Variants in PHF3 observed in about 807,000 individuals in gnomAD.
PHF3 encodes the protein PHD finger protein 3.
A neutral mutation model predicts 178.4 loss-of-function variants in PHF3; 41 were observed. That is an observed-to-expected ratio of 0.23 (90% CI 0.18 to 0.30). The LOEUF is 0.30. Ranked by LOEUF, PHF3 falls within the 10% of genes least tolerant of loss-of-function variation. The probability of loss-of-function intolerance (pLI) is 1.00; values close to 1 mark genes in which losing one functional copy is unlikely to be tolerated. For missense variants in PHF3, 2,346 were observed against 2,398.1 expected (o/e 0.98, Z 0.45); for synonymous variants, 842 against 800.5 (o/e 1.05, Z -0.88).
In PHF3 at chr6:63,694,760, A is replaced by G; in HGVS notation, c.2676A>G (p.Lys892=). ...TVTCTGEKAS[K]PGTHEKQEMK... is the part of the protein sequence containing the mutation. ...CTTGCACAGGAGAAAAAGCTTCAAA[A>G]CCAGGTAGTGAGATGAACAGAAAAA... The change falls in exon 6 of 16, where the codon AAA becomes AAG. Residue 892 remains lysine, a synonymous_variant. Coordinates refer to ENST00000262043, the MANE Select transcript of PHF3 (RefSeq NM_001370348.2). 9 of 1,479,980 alleles carry G rather than the reference A, an allele frequency of 6.1e-6. No individual in the cohort carries two copies. The highest frequency in any genetic ancestry group is 1.5e-5 in the South Asian group (1 of 65,294). The allele number at this position is 1,479,980 out of a possible 1,614,324, so 91.7% of individuals were successfully genotyped here.
intron 5 of PHF3, among the ~76,000 whole-genome samples, chr6:63,694,223 A>G (rs1767134393): frequency 6.6e-6 from 1 of 152,222 alleles, no homozygotes. Context: ...AGGCATACTG[A>G]GAACTTAATT....
At chr6:63,641,603 A>G (rs1764581394) in intron 1 of PHF3, among the ~76,000 whole-genome samples, 1 of 149,878 alleles carries the variant, frequency 6.7e-6, no homozygotes, top group African/African-American at 2.5e-5. Context: ...TCATAGGTTT[A>G]CTTTGAAGGT....
intron 3 of PHF3, among the ~76,000 whole-genome samples, chr6:63,680,928 A>G (rs1006271387): frequency 6.6e-6 from 1 of 151,948 alleles, no homozygotes; most frequent in Admixed American, 6.6e-5. Flanking sequence ...CTTTTGTTGT[A>G]GTTCCTATTT....
chr6:63,698,612 A>T lies in PHF3; in HGVS notation c.2982+7A>T. 1 of 1,551,992 alleles carries T rather than the reference A, an allele frequency of 6.4e-7. No homozygotes were observed. The highest frequency in any genetic ancestry group is 8.7e-7 in the Non-Finnish European group (1 of 1,150,460). On this transcript the variant is annotated splice_region_variant and intron_variant, in intron 8 of 15. Transcript: ENST00000262043. ...GAAAGATCCTAAAAACAATGTAAGT[A>T]TGCTTTGTTCATATGTTTATGCTTC...
rs1463482783 is a variant in PHF3, at chr6:63,712,726, G to C, written c.5138G>C (p.Ser1713Thr). Residue 1713 changes from serine (S) to threonine (T), a missense_variant, in exon 16 of 16, where the codon AGT (serine) becomes ACT (threonine). Transcript: ENST00000262043. ...SAEKNSCVQQ[S>T]DNLKVAQNSP... is the part of the protein sequence containing the mutation. ...GAGAAAAACTCGTGTGTTCAGCAGA[G>C]TGACAATTTAAAAGTTGCACAAAAC... 1.9e-6 allele frequency: 3 copies of C among 1,613,946 alleles called. No individual in the cohort carries two copies. Among genetic ancestry groups the C allele is most frequent in the Admixed American group, 3.3e-5 (2 of 59,988 alleles).
intron 2 of PHF3, among the ~76,000 whole-genome samples, chr6:63,665,276 C>T (rs186572510): frequency 9.2e-5 from 14 of 152,138 alleles, no homozygotes; most frequent in African/African-American, 3.1e-4. Flanking sequence ...TGACTTATCA[C>T]ATCTACTTAG....
chr6:63,654,555 C>G (rs543332359), intron 2 of PHF3, among the ~76,000 whole-genome samples: 1 of 152,246 alleles, frequency 6.6e-6, no homozygotes, highest in Admixed American at 6.5e-5. Flanking sequence ...GTAAACACTT[C>G]ATAGAATTAG....
At chr6:63,666,402 A>G (rs1248954742) in intron 2 of PHF3, among the ~76,000 whole-genome samples, 1 of 151,902 alleles carries the variant, frequency 6.6e-6, no homozygotes, top group Non-Finnish European at 1.5e-5. Flanking sequence ...TGGCATAAAG[A>G]TTTTAATAAT....
At chr6:63,641,813 A>G (rs1163781844) in intron 1 of PHF3, among the ~76,000 whole-genome samples, 5 of 151,898 alleles carry the variant, frequency 3.3e-5, no homozygotes, top group Non-Finnish European at 7.4e-5. Flanking sequence ...TTTTTAGTAG[A>G]GACGGGGTTT....
intron 5 of PHF3, 112 bp downstream of exon 5, chr6:63,692,155 A>G: frequency 1.2e-6 from 1 of 831,414 alleles, no homozygotes; most frequent in African/African-American, 1.8e-5. Flanking sequence ...TTACATTTTC[A>G]AATTTAGTTT....
At chr6:63,660,350 T>C (rs1203356049) in intron 2 of PHF3, among the ~76,000 whole-genome samples, 5 of 151,782 alleles carry the variant, frequency 3.3e-5, no homozygotes, top group Admixed American at 6.6e-5. Context: ...CAACTAGATA[T>C]AAGAAAAAAC....
chr6:63,706,833 C>A lies in PHF3; in HGVS notation c.3668C>A (p.Thr1223Asn). The A allele has an allele frequency of 2.5e-6, 4 of 1,614,004 alleles. No individual in the cohort carries two copies. Among genetic ancestry groups the A allele is most frequent in the Non-Finnish European group, 3.4e-6 (4 of 1,179,924 alleles). ...INMPSVAKFVTKAYPVSGSPE... is the reference protein window; with the variant it reads ...INMPSVAKFVNKAYPVSGSPE... ...ATGCCTTCTGTGGCAAAATTTGTTA[C>A]CAAAGCCTATCCAGTATCTGGCTCC... Residue 1223 changes from threonine (T) to asparagine (N), a missense_variant, in exon 13 of 16, where the codon ACC becomes AAC. Thr to Asn is a moderately conservative substitution (Grantham distance 65). This residue lies in a region of PHF3 where 205 missense variants were observed against 212.4 expected (regional missense o/e 0.97). Coordinates refer to ENST00000262043, the MANE Select transcript of PHF3 (RefSeq NM_001370348.2).
rs2149621648 is a variant in PHF3, at chr6:63,719,123, G to A, written c.*5415G>A. On this transcript the variant is annotated 3_prime_UTR_variant, in exon 16 of 16. Transcript: ENST00000262043. ...TAGTATTAATATGAACTGTATGTTT[G>A]GAAACATTTGTGCCCTGTCAAATGG... Among the ~76,000 whole-genome samples the A allele has an allele frequency of 6.6e-6, 1 of 152,070 alleles. No homozygotes were observed. The highest frequency in any genetic ancestry group is 2.1e-4 in the South Asian group (1 of 4,820).
In PHF3 at chr6:63,713,944, T is replaced by C. The variant is rs1768092381; in HGVS notation, c.*236T>C. ...ATTTAATATTTTTAAAAGTTTTACA[T>C]TGCTGTATATTCAAAGATTTGTTTT... On this transcript the variant is annotated 3_prime_UTR_variant, in exon 16 of 16. Transcript: ENST00000262043. 2.8e-6 allele frequency: 1 copy of C among 362,284 alleles called. No homozygotes were observed. The highest frequency in any genetic ancestry group is 4.3e-5 in the Admixed American group (1 of 23,088). 22.4% of individuals were successfully genotyped at this position (362,284 alleles called of 1,614,324 possible). A position where few individuals can be genotyped will look rare whatever the true frequency, so the allele number is the denominator to read the frequency against.
rs754076455 is a variant in PHF3 at position 63,719,726 on chromosome 6, C to T, written c.*6018C>T. ...TGCCCAATTTTGAGATCTGTATAGA[C>T]TTGAAAGCAGTTAAACACAAATTAA... On this transcript the variant is annotated 3_prime_UTR_variant, in exon 16 of 16. Transcript: ENST00000262043. Among the ~76,000 whole-genome samples, 1 of 152,010 alleles carries T rather than the reference C, an allele frequency of 6.6e-6. No individual in the cohort carries two copies. The highest frequency in any genetic ancestry group is 1.5e-5 in the Non-Finnish European group (1 of 67,952).
Position 63,685,160 on chromosome 6 carries a change from T to G in PHF3, c.1438T>G (p.Tyr480Asp). Residue 480 changes from tyrosine (Y) to aspartate (D), a missense_variant, in exon 4 of 16, where the codon TAC becomes GAC. Physicochemically the swap from Tyr to Asp is radical, Grantham distance 160. This residue lies in a region of PHF3 where 843 missense variants were observed against 795.2 expected (regional missense o/e 1.06). Coordinates refer to ENST00000262043, the MANE Select transcript of PHF3 (RefSeq NM_001370348.2). ...AAACAGCCAGTCAAGTAGCGTTTCT[T>G]ACTTAGAGTCAAAAAGTGTAAAATC... Reference protein sequence around the residue: ...DRNSQSSSVSYLESKSVKSKH... With the variant: ...DRNSQSSSVSDLESKSVKSKH... 1 of 1,614,008 alleles carries G rather than the reference T, an allele frequency of 6.2e-7. No homozygotes were observed. The highest frequency in any genetic ancestry group is 1.7e-5 in the Admixed American group (1 of 60,020).
At chr6:63,639,798 A>G (rs981797183) in intron 1 of PHF3, among the ~76,000 whole-genome samples, 2 of 152,206 alleles carry the variant, frequency 1.3e-5, no homozygotes, top group African/African-American at 4.8e-5. Context: ...TGTGCCAATT[A>G]CACGTTAGCT....
At chr6:63,676,030 C>T (rs1051289162) in intron 2 of PHF3, among the ~76,000 whole-genome samples, 1 of 152,104 alleles carries the variant, frequency 6.6e-6, no homozygotes, top group Admixed American at 6.6e-5. Context: ...CTTGATGCAT[C>T]TTTTGTCTGA....
At position 63,685,208 on chromosome 6, in the gene PHF3, C is replaced by G. The variant is rs1469518042; in HGVS notation, c.1486C>G (p.His496Asp). 6.2e-7 allele frequency: 1 copy of G among 1,613,874 alleles called. No individual in the cohort carries two copies. Among genetic ancestry groups the G allele is most frequent in the Non-Finnish European group, 8.5e-7 (1 of 1,179,982 alleles). ...ATCCAAACATACAAAACCTGTAATTCATTCTAAGCAAAACATGACCACAGA... is the reference window on the plus strand; with the variant it reads ...ATCCAAACATACAAAACCTGTAATTGATTCTAAGCAAAACATGACCACAGA... ...VKSKHTKPVI[H>D]SKQNMTTDAP... The change falls in exon 4 of 16, where the codon CAT (histidine) becomes GAT (aspartate). Residue 496 changes from histidine to aspartate, a missense_variant. Transcript: ENST00000262043.
Sources: allele counts gnomAD v4.1 joint callset (sites outside exome capture counted in the v4.1 genomes callset), GRCh38; gene constraint gnomAD v4.1.1; regional missense constraint gnomAD v4.1.1; transcripts MANE v1.5; gene names NCBI Gene and HGNC (gene_info 2026-07-23, HGNC 2026-07-21).